Variants in KANSL3 observed in about 807,000 individuals in gnomAD.
The protein encoded by KANSL3 is NSL complex protein NSL3.
Under a neutral mutation model 89.2 loss-of-function variants are expected in KANSL3, and 16 were observed. The ratio of observed to expected loss-of-function variants is 0.18; its 90% CI spans 0.12 to 0.27. The LOEUF is 0.27. KANSL3 is among the 10% of genes least tolerant of loss of function. KANSL3 has a pLI of 1.00. For synonymous variants in KANSL3, 385 were observed against 419.7 expected, an observed-to-expected ratio of 0.92 and a Z score of 1.01; for missense variants, 879 against 1,110.6, an observed-to-expected ratio of 0.79 and a Z score of 2.96.
chr2:96,613,651 G>A lies in KANSL3; in HGVS notation c.664-32C>T, dbSNP rs555799488. On this transcript the variant is annotated intron_variant, in intron 5 of 20. Transcript: ENST00000431828. ...AGAAGAAAGAGCAAAGATGACTCCA[G>A]TGTAAAGCAGGAGACCTTCCACCAC... The A allele has an allele frequency of 5.6e-6, 9 of 1,603,756 alleles. No individual in the cohort carries two copies. The South Asian group carries it at 9.9e-5, about 18-fold the overall frequency.
chr2:96,593,504 G>A lies in KANSL3; in HGVS notation c.*2107C>T. ...GTTTGCGAAGGGAACTGGAAAACGT[G>A]ACTCTAGGCCTCAGCCACTTCCTCT... On this transcript the variant is annotated 3_prime_UTR_variant, in exon 21 of 21. Transcript: ENST00000431828. 1 of 362,524 alleles carries A rather than the reference G, an allele frequency of 2.8e-6. No homozygotes were observed. The highest frequency in any genetic ancestry group is 2.1e-5 in the South Asian group (1 of 48,544). The allele number at this position is 362,524 out of a possible 1,614,324, so 22.5% of individuals were successfully genotyped here.
At chr2:96,626,807 A>C (rs1049668314) in intron 3 of KANSL3, among the ~76,000 whole-genome samples, 2 of 152,214 alleles carry the variant, frequency 1.3e-5, no homozygotes, top group African/African-American at 4.8e-5. Flanking sequence ...ACGCAGACAC[A>C]AGAACATGAC....
At position 96,609,073 on chromosome 2, in the gene KANSL3, G is replaced by C. The variant is rs1436734356; in HGVS notation, c.1384-9C>G. 1 of 1,554,160 alleles carries C rather than the reference G, an allele frequency of 6.4e-7. No homozygotes were observed. Among genetic ancestry groups the C allele is most frequent in the Non-Finnish European group, 8.7e-7 (1 of 1,148,304 alleles). ...AAGTCCACAATCTCATCCTAGTGTA[G>C]AGAGGAGCCAACCAAGGCCTTTTAG... On this transcript the variant is annotated splice_polypyrimidine_tract_variant and intron_variant, in intron 12 of 20. Transcript: ENST00000431828.
At chr2:96,632,339 C>T (rs182101191) in intron 2 of KANSL3, among the ~76,000 whole-genome samples, 3 of 151,982 alleles carry the variant, frequency 2.0e-5, no homozygotes, top group Admixed American at 1.3e-4. Context: ...TGGTGGTATG[C>T]GCCTGCAGTC....
chr2:96,600,618 G>A (rs1352067057), intron 20 of KANSL3: 1 of 985,298 alleles, frequency 1.0e-6, no homozygotes, highest in Non-Finnish European at 1.2e-6. Flanking sequence ...GAAGGCCTTG[G>A]CTGTATAGCG....
At chr2:96,631,645 C>G (rs984011994) in intron 2 of KANSL3, 163 bp from the exon 3 acceptor site, 1 of 796,942 alleles carries the variant, frequency 1.3e-6, no homozygotes, top group Non-Finnish European at 2.1e-6. Flanking sequence ...CTTTCCCACA[C>G]TTGTCTAGAT....
At position 96,621,342 on chromosome 2, in the gene KANSL3, C is replaced by T. The variant is rs995522432; in HGVS notation, c.387-1580G>A. 2.6e-5 allele frequency among the ~76,000 whole-genome samples: 4 copies of T among 151,592 alleles called. No individual in the cohort carries two copies. The South Asian group carries it at 8.4e-4, about 32-fold the overall frequency. On this transcript the variant is annotated intron_variant, in intron 3 of 20. Coordinates refer to ENST00000431828, the MANE Select transcript of KANSL3 (RefSeq NM_001115016.3). ...CAGCCTGGCCAATATGGTGAAACCC[C>T]ATCTCTACTAAAAATACAAAAATTA...
downstream of KANSL3, among the ~76,000 whole-genome samples, chr2:96,592,314 T>C (rs2066290450): frequency 6.6e-6 from 1 of 152,194 alleles, no homozygotes; most frequent in Admixed American, 6.5e-5. Flanking sequence ...GAATACAAGT[T>C]AACAAATAAT....
chr2:96,632,414 A>G (rs548392636), intron 2 of KANSL3, among the ~76,000 whole-genome samples: 1 of 152,272 alleles, frequency 6.6e-6, no homozygotes, highest in South Asian at 2.1e-4. Flanking sequence ...GTCAGCTCTG[A>G]TCATGCCACT....
chr2:96,615,181 A>AAAAAG (rs1317743960), intron 5 of KANSL3: 1 of 151,868 alleles, frequency 6.6e-6, no homozygotes, highest in Non-Finnish European at 1.5e-5. Context: ...AAAAAAAAAA[A>AAAAAG]AAAAAAAGAC....
At chr2:96,604,911 CTA>C (rs774580977) in intron 15 of KANSL3, 48 bp from the exon 16 acceptor site, 6 of 1,483,746 alleles carry the variant, frequency 4.0e-6, no homozygotes, top group Non-Finnish European at 5.5e-6. Context: ...TATTTGGCCT[CTA>C]TGTTTCCAGG....
downstream of KANSL3, among the ~76,000 whole-genome samples, chr2:96,589,178 A>T (rs2104760849): frequency 6.6e-6 from 1 of 152,354 alleles, no homozygotes; most frequent in Non-Finnish European, 1.5e-5. Context: ...AAAATGGAAA[A>T]CAAAAACTAA....
At chr2:96,602,625 G>C in intron 18 of KANSL3, 128 bp downstream of exon 18, 1 of 737,048 alleles carries the variant, frequency 1.4e-6, no homozygotes, top group Non-Finnish European at 2.2e-6. Flanking sequence ...TAAGTTCCCT[G>C]CTATGTAGCT....
At position 96,612,482 on chromosome 2, in the gene KANSL3, C is replaced by T. The variant is rs767211179; in HGVS notation, c.994G>A (p.Val332Met). The T allele has an allele frequency of 1.9e-6, 3 of 1,613,892 alleles. No homozygotes were observed. Among genetic ancestry groups the T allele is most frequent in the Non-Finnish European group, 2.5e-6 (3 of 1,179,796 alleles). The stretch of plus-strand genomic sequence containing the variant: ...CTCACCTCCAGCACTTTGCTTCTCA[C>T]TGCCCCAATCATATGCTCGAGACAC... ...LQCLEHMIGA[V>M]RSKVLEIHSH... The change falls in exon 8 of 21, where the codon GTG becomes ATG. Residue 332 changes from valine (V) to methionine (M), a missense_variant. Coordinates refer to ENST00000431828, the MANE Select transcript of KANSL3 (RefSeq NM_001115016.3).
intron 17 of KANSL3, chr2:96,603,297 T>C (rs1444957953): frequency 6.4e-6 from 1 of 155,808 alleles, no homozygotes; most frequent in African/African-American, 2.4e-5. Flanking sequence ...TTTATTTTTT[T>C]TTGAGACGGA....
chr2:96,608,996 C>A lies in KANSL3; in HGVS notation c.1452G>T (p.Arg484=). The change falls in exon 13 of 21, where the codon CGG becomes CGT. Residue 484 remains arginine, a synonymous_variant. Transcript: ENST00000431828. ...TCTTCTTCTTCTCAGCATCCTGATC[C>A]CGAGGTTCAGAGCCCATGTGACCCT... ...RAEGHMGSEP[R]DQDAEKKKKP... is the part of the protein sequence containing the mutation. 1.3e-6 allele frequency: 2 copies of A among 1,564,230 alleles called. No homozygotes were observed. Among genetic ancestry groups the A allele is most frequent in the Non-Finnish European group, 1.7e-6 (2 of 1,154,002 alleles).
chr2:96,606,895 G>T, intron 14 of KANSL3: 2 of 768,586 alleles, frequency 2.6e-6, no homozygotes, highest in Non-Finnish European at 3.8e-6. Context: ...CAGATGAGAG[G>T]CAGAGATGGA....
Position 96,594,341 on chromosome 2 carries a change from C to A in KANSL3, c.*1270G>T, listed in dbSNP as rs1306902587. 2 of 152,224 alleles carry A rather than the reference C, an allele frequency of 1.3e-5. No homozygotes were observed. The highest frequency in any genetic ancestry group is 4.8e-5 in the African/African-American group (2 of 41,444). The allele number at this position is 152,224 out of a possible 1,614,324, so 9.4% of individuals were successfully genotyped here. ...GGGAGCCTGTTCTGGAGGATAGCTT[C>A]TAAACCAAATCTAAAACTATCTTTG... On this transcript the variant is annotated 3_prime_UTR_variant, in exon 21 of 21. Transcript: ENST00000431828.
intron 5 of KANSL3, among the ~76,000 whole-genome samples, chr2:96,616,673 G>T (rs2070189574): frequency 6.6e-6 from 1 of 152,198 alleles, no homozygotes; most frequent in Non-Finnish European, 1.5e-5. Flanking sequence ...GATGGCAGAG[G>T]AACCACTGCG....
Sources: allele counts gnomAD v4.1 joint callset (sites outside exome capture counted in the v4.1 genomes callset), GRCh38; gene constraint gnomAD v4.1.1; transcripts MANE v1.5; gene names NCBI Gene and HGNC (gene_info 2026-07-23, HGNC 2026-07-21).